Variants in RBM47 observed in about 807,000 individuals in gnomAD.
RBM47 encodes RNA-binding protein 47.
Under a neutral mutation model 47.1 loss-of-function variants are expected in RBM47, and 21 were observed. The ratio of observed to expected loss-of-function variants is 0.45; its 90% CI spans 0.32 to 0.64. The LOEUF is 0.64. Among genes scored for constraint, RBM47 ranks in the 30% least tolerant of loss-of-function variants. The pLI is 0.05. For synonymous variants in RBM47, 375 were observed against 361.7 expected, an observed-to-expected ratio of 1.04 and a Z score of -0.42; for missense variants, 708 against 870.9, an observed-to-expected ratio of 0.81 and a Z score of 2.35.
chr4:40,551,649 C>A, intron 1 of RBM47, among the ~76,000 whole-genome samples: 1 of 134,650 alleles, frequency 7.4e-6, no homozygotes, highest in Non-Finnish European at 1.6e-5. Context: ...GCGTACTTTT[C>A]TTTTTTTTTT....
At chr4:40,452,097 G>C (rs1332437801) in intron 3 of RBM47, among the ~76,000 whole-genome samples, 1 of 151,826 alleles carries the variant, frequency 6.6e-6, no homozygotes, top group Non-Finnish European at 1.5e-5. Context: ...TTGAACCCAG[G>C]AGGTAGAGGC....
intron 2 of RBM47, among the ~76,000 whole-genome samples, chr4:40,486,669 G>A (rs1270091451): frequency 6.6e-6 from 1 of 152,162 alleles, no homozygotes; most frequent in Non-Finnish European, 1.5e-5. Context: ...ACCCCCAGTA[G>A]AGGATCTTTA....
Position 40,533,454 on chromosome 4 carries a change from G to A in RBM47, c.-155+10968C>T, listed in dbSNP as rs201156211. 6.7e-4 allele frequency among the ~76,000 whole-genome samples: 99 copies of A among 147,162 alleles called. 4 individuals carry two copies. In the South Asian group the frequency reaches 0.017, roughly 26 times the overall value. On this transcript the variant is annotated intron_variant, in intron 2 of 6. Transcript: ENST00000295971. ...GTCTCAAAAGAAAAAAAAAAAAAAA[G>A]AAGAAGGGAAAAAAAAGCTCTCAGG...
intron 1 of RBM47, among the ~76,000 whole-genome samples, chr4:40,611,024 T>A (rs181540934): frequency 6.6e-6 from 1 of 152,328 alleles, no homozygotes; most frequent in African/African-American, 2.4e-5. Context: ...ATACACTATG[T>A]AAATATTAAG....
chr4:40,513,822 G>A (rs998659659), intron 2 of RBM47, among the ~76,000 whole-genome samples: 8 of 151,974 alleles, frequency 5.3e-5, no homozygotes, highest in African/African-American at 7.2e-5. Flanking sequence ...GGGTTCAAGC[G>A]ATTCTCCTGC....
chr4:40,432,970 C>T (rs1443135167), intron 5 of RBM47, 108 bp from the exon 6 acceptor site: 51 of 1,432,778 alleles, frequency 3.6e-5, no homozygotes, highest in Non-Finnish European at 4.0e-5. Flanking sequence ...AAAAACTTTT[C>T]TTTTTTTTGA....
At chr4:40,445,603 C>T (rs757345110) in intron 3 of RBM47, among the ~76,000 whole-genome samples, 3 of 152,164 alleles carry the variant, frequency 2.0e-5, no homozygotes, top group Non-Finnish European at 4.4e-5. Flanking sequence ...AACTGAATTA[C>T]GCTTCAAATG....
intron 2 of RBM47, among the ~76,000 whole-genome samples, chr4:40,524,242 G>GC (rs2154257556): frequency 6.6e-6 from 1 of 152,254 alleles, no homozygotes; most frequent in East Asian, 1.9e-4. Flanking sequence ...ATCTCATGTG[G>GC]CAAGTACTCT....
In RBM47 at chr4:40,528,955, AATAAAT is replaced by A. The variant is rs1727065442; in HGVS notation, c.-155+15461_-155+15466del. ...GAGACTCCGTCTCAAAAAAAAAATA[AATAAAT>A]AAATAAATAAATAAATAAATAAATA... On this transcript the variant is annotated intron_variant, in intron 2 of 6. Coordinates refer to ENST00000295971, the MANE Select transcript of RBM47 (RefSeq NM_001098634.2). Among the ~76,000 whole-genome samples, 4 of 146,918 alleles carry A rather than the reference AATAAAT, an allele frequency of 2.7e-5. 1 individual carries two copies. The highest frequency in any genetic ancestry group is 2.3e-4 in the South Asian group (1 of 4,336).
At position 40,423,675 on chromosome 4, in the gene RBM47, TC is replaced by T. The variant is rs1239342097; in HGVS notation, c.*2228del. Reference sequence around the variant, plus strand: ...CTTTTTCTTTCTTTCTTTCTTTCTTTCTTTCTTTCTTTCTTTCTTTCTTTCT... The same window carrying T: ...CTTTTTCTTTCTTTCTTTCTTTCTTTTTTCTTTCTTTCTTTCTTTCTTTCT... On this transcript the variant is annotated 3_prime_UTR_variant, in exon 7 of 7. Coordinates refer to ENST00000295971, the MANE Select transcript of RBM47 (RefSeq NM_001098634.2). 9.7e-6 allele frequency: 1 copy of T among 103,122 alleles called. No homozygotes were observed. Among genetic ancestry groups the T allele is most frequent in the Admixed American group, 1.2e-4 (1 of 8,348 alleles). The allele number at this position is 103,122 out of a possible 1,614,324, so 6.4% of individuals were successfully genotyped here.
chr4:40,620,705 AT>A (rs1208347926), intron 1 of RBM47, among the ~76,000 whole-genome samples: 1 of 151,974 alleles, frequency 6.6e-6, no homozygotes, highest in Non-Finnish European at 1.5e-5. Context: ...TCTTTAAAAA[AT>A]TTTTTTTAAT....
At chr4:40,575,552 C>CAAAAAAAAA (rs33963787) in intron 1 of RBM47, among the ~76,000 whole-genome samples, 8 of 98,362 alleles carry the variant, frequency 8.1e-5, no homozygotes, top group South Asian at 3.8e-4. Flanking sequence ...AACTCCATCT[C>CAAAAAAAAA]AAAAAAAAAA....
At chr4:40,566,095 A>G (rs184962165) in intron 1 of RBM47, among the ~76,000 whole-genome samples, 1 of 152,044 alleles carries the variant, frequency 6.6e-6, no homozygotes, top group African/African-American at 2.4e-5. Context: ...AAGGAAAAAG[A>G]TGGACAGAAT....
chr4:40,471,352 G>C (rs1342814221), intron 2 of RBM47, among the ~76,000 whole-genome samples: 1 of 152,102 alleles, frequency 6.6e-6, no homozygotes, highest in African/African-American at 2.4e-5. Flanking sequence ...TATCCACTCA[G>C]GCCTGCTGCA....
At chr4:40,461,806 G>C (rs956382028) in intron 3 of RBM47, among the ~76,000 whole-genome samples, 2 of 152,030 alleles carry the variant, frequency 1.3e-5, no homozygotes, top group African/African-American at 4.8e-5. Context: ...ATGGTGGCAG[G>C]CGCCTGTAAT....
At chr4:40,552,774 C>G (rs1262755393) in intron 1 of RBM47, among the ~76,000 whole-genome samples, 1 of 152,208 alleles carries the variant, frequency 6.6e-6, no homozygotes, top group Non-Finnish European at 1.5e-5. Flanking sequence ...GGCTATACCA[C>G]TGGCCTTCTG....
chr4:40,478,165 G>A (rs748636992), intron 2 of RBM47, among the ~76,000 whole-genome samples: 44 of 151,932 alleles, frequency 2.9e-4, no homozygotes, highest in East Asian at 7.7e-4. Context: ...ACAGCCATGC[G>A]CCACCACGCC....
intron 3 of RBM47, among the ~76,000 whole-genome samples, chr4:40,462,264 C>G (rs553054737): frequency 6.6e-6 from 1 of 152,272 alleles, no homozygotes; most frequent in East Asian, 1.9e-4. Flanking sequence ...TAAAACAGAA[C>G]TAGGACAACT....
At chr4:40,488,357 A>C (rs1399688122) in intron 2 of RBM47, among the ~76,000 whole-genome samples, 3 of 47,512 alleles carry the variant, frequency 6.3e-5, no homozygotes, top group Non-Finnish European at 8.2e-5. Flanking sequence ...GTGGGGGGGA[A>C]GGGGGAGAAC....
Sources: allele counts gnomAD v4.1 joint callset (sites outside exome capture counted in the v4.1 genomes callset), GRCh38; gene constraint gnomAD v4.1.1; transcripts MANE v1.5; gene names NCBI Gene and HGNC (gene_info 2026-07-23, HGNC 2026-07-21).